The following SRGAP3 variants were observed in gnomAD, a reference collection of about 807,000 sequenced individuals.
SRGAP3 encodes SLIT-ROBO Rho GTPase-activating protein 3.
A neutral mutation model predicts 121.1 loss-of-function variants in SRGAP3; 39 were observed. The observed-to-expected ratio is 0.32, with a 90% CI of 0.25 to 0.42. The LOEUF (loss-of-function observed/expected upper bound fraction) is 0.42, where lower values mean the gene tolerates loss of function less well. Ranked by LOEUF, SRGAP3 falls within the 10% of genes least tolerant of loss-of-function variation. The pLI is 1.00. For missense variants in SRGAP3, 1,213 were observed against 1,470.6 expected, an observed-to-expected ratio of 0.82 and a Z score of 2.86; for synonymous variants, 601 against 570.0, an observed-to-expected ratio of 1.05 and a Z score of -0.77.
intron 18 of SRGAP3, among the ~76,000 whole-genome samples, chr3:8,997,467 CT>C (rs551662689): frequency 7.5e-4 from 115 of 152,338 alleles, no homozygotes; most frequent in African/African-American, 2.3e-3. Flanking sequence ...TGAAACTCCC[CT>C]GTTCAAAATC....
chr3:9,080,175 G>T, intron 3 of SRGAP3, 88 bp from the exon 4 acceptor site: 2 of 1,378,834 alleles, frequency 1.5e-6, no homozygotes, highest in Non-Finnish European at 2.1e-6. Flanking sequence ...GGTCAGGAAT[G>T]TTTCGGGTGG....
chr3:9,228,788 G>A (rs1458180972), intron 1 of SRGAP3, among the ~76,000 whole-genome samples: 11 of 152,324 alleles, frequency 7.2e-5, no homozygotes, highest in African/African-American at 1.4e-4. Context: ...TAGGCCGGGC[G>A]CGGTGGGCTC....
At chr3:9,361,976 G>A (rs1438557185) in intron 1 of SRGAP3, among the ~76,000 whole-genome samples, 2 of 151,970 alleles carry the variant, frequency 1.3e-5, no homozygotes, top group African/African-American at 4.8e-5. Context: ...AACTGCACAT[G>A]CACAAATTGC....
At chr3:9,156,546 G>C (rs563910129) in intron 1 of SRGAP3, among the ~76,000 whole-genome samples, 9 of 152,326 alleles carry the variant, frequency 5.9e-5, no homozygotes, top group Non-Finnish European at 1.3e-4. Context: ...TCAATCCAGA[G>C]AAGCTTTCTT....
chr3:9,119,155 C>T (rs1440749426), intron 2 of SRGAP3, among the ~76,000 whole-genome samples: 1 of 152,054 alleles, frequency 6.6e-6, no homozygotes, highest in Non-Finnish European at 1.5e-5. Flanking sequence ...GTAGCTCTTA[C>T]CTCACCCTCT....
chr3:9,253,993 G>T (rs1954071284), upstream of SRGAP3, among the ~76,000 whole-genome samples: 3 of 152,288 alleles, frequency 2.0e-5, no homozygotes, highest in South Asian at 6.2e-4. Context: ...AGCTGGAAAA[G>T]CTGACAAATT....
chr3:8,996,677 C>A (rs192038718), intron 18 of SRGAP3, among the ~76,000 whole-genome samples: 9 of 152,352 alleles, frequency 5.9e-5, no homozygotes, highest in African/African-American at 2.2e-4. Flanking sequence ...CCTCTCTCTG[C>A]AGCATCTTTG....
At chr3:9,125,390 G>A (rs1949184221) in intron 1 of SRGAP3, among the ~76,000 whole-genome samples, 1 of 152,236 alleles carries the variant, frequency 6.6e-6, no homozygotes, top group South Asian at 2.1e-4. Flanking sequence ...GTTTACCAAA[G>A]GCTCTAAGCC....
intron 1 of SRGAP3, among the ~76,000 whole-genome samples, chr3:9,351,991 T>G (rs530970239): frequency 1.3e-5 from 2 of 152,144 alleles, no homozygotes; most frequent in South Asian, 2.1e-4. Context: ...AATTCCCCAG[T>G]TGACCACCAC....
At chr3:9,318,419 C>A (rs2125281235) in intron 3 of SRGAP3, among the ~76,000 whole-genome samples, 2 of 151,988 alleles carry the variant, frequency 1.3e-5, no homozygotes, top group East Asian at 3.9e-4. Context: ...TTTCATCACA[C>A]CTCCTCTTTC....
intron 1 of SRGAP3, among the ~76,000 whole-genome samples, chr3:9,178,415 C>T (rs1002586479): frequency 6.6e-6 from 1 of 152,160 alleles, no homozygotes; most frequent in Non-Finnish European, 1.5e-5. Flanking sequence ...CTGATGGTAC[C>T]GTGTGAACCT....
intron 2 of SRGAP3, among the ~76,000 whole-genome samples, chr3:9,122,651 G>A (rs1192516562): frequency 1.3e-5 from 2 of 150,696 alleles, no homozygotes; most frequent in African/African-American, 4.9e-5. Context: ...GGAGCTTGCA[G>A]TGAGCCGAGA....
intron 1 of SRGAP3, among the ~76,000 whole-genome samples, chr3:9,172,347 C>T (rs1951014764): frequency 6.6e-6 from 1 of 152,092 alleles, no homozygotes; most frequent in African/African-American, 2.4e-5. Flanking sequence ...AAGTGATCTA[C>T]CCACCTCAGC....
At chr3:9,029,139 G>T (rs565840608) in intron 12 of SRGAP3, among the ~76,000 whole-genome samples, 34 of 152,296 alleles carry the variant, frequency 2.2e-4, no homozygotes, top group African/African-American at 7.2e-4. Context: ...AAACAGCCTG[G>T]TCGAACAGGC....
intron 4 of SRGAP3, among the ~76,000 whole-genome samples, chr3:9,065,802 A>C (rs1000169537): frequency 2.0e-5 from 3 of 152,198 alleles, no homozygotes; most frequent in Admixed American, 2.0e-4. Context: ...ATGAATACTT[A>C]TGTACATTTC....
chr3:9,027,898 T>G (rs1944294252), intron 12 of SRGAP3, among the ~76,000 whole-genome samples: 1 of 152,214 alleles, frequency 6.6e-6, no homozygotes, highest in Non-Finnish European at 1.5e-5. Flanking sequence ...AATATGCTCT[T>G]GTGAAGACAG....
At chr3:9,323,740 A>G (rs934936240) in intron 3 of SRGAP3, among the ~76,000 whole-genome samples, 2 of 151,578 alleles carry the variant, frequency 1.3e-5, no homozygotes, top group African/African-American at 4.8e-5. Flanking sequence ...TCTTTATTAA[A>G]TTTTATGAAT....
At chr3:9,261,294 T>C (rs1954251090) in intron 3 of SRGAP3, among the ~76,000 whole-genome samples, 1 of 152,038 alleles carries the variant, frequency 6.6e-6, no homozygotes, top group South Asian at 2.1e-4. Flanking sequence ...CCTCTTCTCC[T>C]CCAAAGGATC....
At chr3:9,165,284 A>G (rs1410660469) in intron 1 of SRGAP3, among the ~76,000 whole-genome samples, 1 of 152,236 alleles carries the variant, frequency 6.6e-6, no homozygotes, top group African/African-American at 2.4e-5. Context: ...CCAGCAAGTC[A>G]GGCAGCCATG....
Sources: allele counts gnomAD v4.1 joint callset (sites outside exome capture counted in the v4.1 genomes callset), GRCh38; gene constraint gnomAD v4.1.1; transcripts MANE v1.5; gene names NCBI Gene and HGNC (gene_info 2026-07-23, HGNC 2026-07-21).